TRRAP: variants seen among roughly 807,000 people sequenced by gnomAD.
The protein encoded by TRRAP is transformation/transcription domain associated protein.
In TRRAP, 41 loss-of-function variants were observed where a neutral mutation model predicts 438.8. The ratio of observed to expected loss-of-function variants is 0.09; its 90% CI spans 0.07 to 0.12. The LOEUF (loss-of-function observed/expected upper bound fraction) is 0.12. Ranked by LOEUF, TRRAP falls within the 10% of genes least tolerant of loss-of-function variation. TRRAP has a pLI of 1.00. For missense variants in TRRAP, 3,122 were observed against 5,055.1 expected (o/e 0.62, Z 11.60); for synonymous variants, 1,994 against 1,962.9 (o/e 1.02, Z -0.42).
intron 21 of TRRAP, among the ~76,000 whole-genome samples, chr7:98,924,864 C>T (rs572045888): frequency 1.0e-4 from 14 of 133,376 alleles, no homozygotes; most frequent in Middle Eastern, 5.7e-3. Flanking sequence ...CTTAGCTGGG[C>T]GTGGTGGCGG....
chr7:98,925,275 A>G lies in TRRAP; in HGVS notation c.2975+12A>G. On this transcript the variant is annotated intron_variant, in intron 22 of 72. Transcript: ENST00000456197. ...CTGGCACACCCCAAGTATGTCGGCC[A>G]CTTCCTTCTGTGTGGTTGGGTGGAT... is the stretch of plus-strand genomic sequence containing the variant. 6.2e-7 allele frequency: 1 copy of G among 1,612,506 alleles called. No individual in the cohort carries two copies. Among genetic ancestry groups the G allele is most frequent in the Middle Eastern group, 1.7e-4 (1 of 6,040 alleles).
chr7:98,884,451 T>C (rs1795599298), intron 3 of TRRAP, among the ~76,000 whole-genome samples: 1 of 151,878 alleles, frequency 6.6e-6, no homozygotes, highest in African/African-American at 2.4e-5. Flanking sequence ...CCCAGGCTGG[T>C]CAGGAACTCC....
chr7:98,999,280 A>G, intron 67 of TRRAP: 1 of 1,188,668 alleles, frequency 8.4e-7, no homozygotes, highest in South Asian at 1.2e-5. Flanking sequence ...TCGTACAGGA[A>G]CAGTCTACTA....
chr7:98,999,279 AAC>A lies in TRRAP; in HGVS notation c.10309+4433_10309+4434del, dbSNP rs1375918832. 6.7e-6 allele frequency: 8 copies of A among 1,190,780 alleles called. No homozygotes were observed. In the Admixed American group the frequency reaches 8.4e-5, roughly 13 times the overall value. The allele number at this position is 1,190,780 out of a possible 1,614,324, so 73.8% of individuals were successfully genotyped here. A position where few individuals can be genotyped will look rare whatever the true frequency, so the allele number is the denominator to read the frequency against. ...CTCGCAGAAACAGATGTCGTACAGG[AAC>A]AGTCTACTATTAAAGCATTTTATCT... is the stretch of plus-strand genomic sequence containing the variant. On this transcript the variant is annotated intron_variant, in intron 67 of 72. Coordinates refer to ENST00000456197, the MANE Select transcript of TRRAP (RefSeq NM_001375524.1).
chr7:98,901,427 G>A (rs1417914280), intron 11 of TRRAP, among the ~76,000 whole-genome samples: 2 of 152,190 alleles, frequency 1.3e-5, no homozygotes, highest in African/African-American at 4.8e-5. Context: ...AATTTTAAGG[G>A]GATGCAGCTC....
intron 10 of TRRAP, among the ~76,000 whole-genome samples, chr7:98,899,970 C>T (rs191230405): frequency 2.0e-5 from 3 of 152,272 alleles, no homozygotes; most frequent in South Asian, 4.1e-4. Flanking sequence ...GATAATAGCT[C>T]GTATTCTGGT....
intron 14 of TRRAP, among the ~76,000 whole-genome samples, chr7:98,909,479 CAT>C (rs1246570382): frequency 1.3e-5 from 2 of 152,214 alleles, no homozygotes; most frequent in Non-Finnish European, 2.9e-5. Context: ...ATATCTGCCT[CAT>C]AGGATCGCTG....
intron 60 of TRRAP, 51 bp downstream of exon 60, chr7:98,983,510 C>T (rs766697441): frequency 1.2e-6 from 2 of 1,600,840 alleles, no homozygotes; most frequent in South Asian, 1.1e-5. Context: ...TCCAGACGCC[C>T]CACGGTTCTG....
At chr7:98,982,896 T>G (rs1422487949) in intron 59 of TRRAP, among the ~76,000 whole-genome samples, 2 of 152,138 alleles carry the variant, frequency 1.3e-5, no homozygotes, top group African/African-American at 4.8e-5. Flanking sequence ...GTCCCGACCT[T>G]AGGCATTGCT....
intron 59 of TRRAP, among the ~76,000 whole-genome samples, chr7:98,982,429 A>T (rs1230146590): frequency 6.6e-6 from 1 of 152,262 alleles, no homozygotes; most frequent in African/African-American, 2.4e-5. Context: ...ACTAAGTGTT[A>T]TGTTTAGGAG....
chr7:98,953,081 T>C, intron 39 of TRRAP, 86 bp from the exon 40 acceptor site: 3 of 805,028 alleles, frequency 3.7e-6, no homozygotes, highest in Non-Finnish European at 5.8e-6. Flanking sequence ...GTGTGTGTGT[T>C]TTTAAGGCTT....
intron 62 of TRRAP, among the ~76,000 whole-genome samples, chr7:98,985,408 C>T (rs901347931): frequency 6.6e-6 from 1 of 152,224 alleles, no homozygotes; most frequent in Non-Finnish European, 1.5e-5. Flanking sequence ...GGGCCAGCCA[C>T]ATCCAGCCAC....
chr7:98,879,676 A>T (rs1554402713), intron 1 of TRRAP, among the ~76,000 whole-genome samples: 1 of 150,794 alleles, frequency 6.6e-6, no homozygotes, highest in Non-Finnish European at 1.5e-5. Flanking sequence ...GGCTTGACAA[A>T]CTCCCCCGCC....
rs782518166 is a variant in TRRAP at position 98,956,367 on chromosome 7, TC to T, written c.6097-31del. The T allele has an allele frequency of 1.2e-6, 2 of 1,613,134 alleles. No homozygotes were observed. Among genetic ancestry groups the T allele is most frequent in the South Asian group, 1.1e-5 (1 of 91,018 alleles). On this transcript the variant is annotated intron_variant, in intron 42 of 72. Transcript: ENST00000456197. The surrounding 1 kb of genome is among the most constrained non-coding windows in gnomAD (Gnocchi z 4.5). ...CCTTTGACTTCTCCCTAGAAATCAG[TC>T]AGTAAAACCAAGCGCCTGTGTGTTT...
chr7:98,963,619 C>T (rs1792021202), intron 47 of TRRAP, among the ~76,000 whole-genome samples: 2 of 152,184 alleles, frequency 1.3e-5, no homozygotes, highest in South Asian at 4.1e-4. Context: ...CCACAGAGTA[C>T]ACCCCATTTC....
At position 98,891,482 on chromosome 7, in the gene TRRAP, T is replaced by C. The variant is rs1265671801; in HGVS notation, c.262-942T>C. 1.7e-4 allele frequency among the ~76,000 whole-genome samples: 25 copies of C among 151,214 alleles called. 1 individual carries two copies. Among genetic ancestry groups the C allele is most frequent in the Non-Finnish European group, 4.4e-5 (3 of 67,882 alleles). ...TCCCAAAGTGCCGAGACTACAGGCGTGAGCCACTGCGCCCGGCCTACCACT... is the reference window on the plus strand; with the variant it reads ...TCCCAAAGTGCCGAGACTACAGGCGCGAGCCACTGCGCCCGGCCTACCACT... On this transcript the variant is annotated intron_variant, in intron 4 of 72. Coordinates refer to ENST00000456197, the MANE Select transcript of TRRAP (RefSeq NM_001375524.1).
intron 41 of TRRAP, 152 bp from the exon 42 acceptor site, chr7:98,955,994 G>C (rs990573453): frequency 1.0e-6 from 1 of 979,344 alleles, no homozygotes; most frequent in African/African-American, 1.6e-5. Context: ...GCTCAGGTTA[G>C]GATTCAGAAT....
intron 53 of TRRAP, among the ~76,000 whole-genome samples, chr7:98,975,754 C>T (rs1219798721): frequency 6.6e-6 from 1 of 152,188 alleles, no homozygotes; most frequent in Admixed American, 6.5e-5. Context: ...ATGTCATATA[C>T]GTGTGTTTTC....
chr7:99,011,436 G>A lies in TRRAP; in HGVS notation c.11238G>A (p.Thr3746=), dbSNP rs948925292. 9.3e-6 allele frequency: 15 copies of A among 1,614,112 alleles called. No homozygotes were observed. In the Admixed American group the frequency reaches 1.0e-4, roughly 11 times the overall value. Residue 3746 remains threonine, a synonymous_variant, in exon 72 of 73, where the codon ACG becomes ACA. Transcript: ENST00000456197. This position sits in a 1 kb window ranked among gnomAD's most constrained non-coding sequence, Gnocchi z 7.1. ...ACCGTCCTGTCCCATTTCGACTCACGCCCAACATTTCTGAGTTTCTGACCA... is the reference window on the plus strand; with the variant it reads ...ACCGTCCTGTCCCATTTCGACTCACACCCAACATTTCTGAGTTTCTGACCA... ...DANRPVPFRL[T]PNISEFLTTI...
Sources: gnomAD v4.1 joint callset for allele counts (sites outside exome capture counted in the v4.1 genomes callset) on GRCh38, gnomAD v4.1.1 for gene constraint, Gnocchi (gnomAD v3.1) non-coding constraint, MANE v1.5 for transcripts, NCBI Gene and HGNC (gene_info 2026-07-23, HGNC 2026-07-21) for gene names.